GBF1: variants seen among roughly 807,000 people sequenced by gnomAD.
The protein encoded by GBF1 is golgi brefeldin A resistant guanine nucleotide exchange factor 1.
A neutral mutation model predicts 210.5 loss-of-function variants in GBF1; 114 were observed. The observed-to-expected ratio is 0.54, with a 90% CI of 0.47 to 0.63. GBF1 has a LOEUF of 0.63. GBF1 is among the 30% of genes least tolerant of loss of function. GBF1 has a pLI of 0.00. For synonymous variants in GBF1, 850 were observed against 889.2 expected, an observed-to-expected ratio of 0.96 and a Z score of 0.78; for missense variants, 1,851 against 2,357.7, an observed-to-expected ratio of 0.79 and a Z score of 4.45.
intron 3 of GBF1, among the ~76,000 whole-genome samples, chr10:102,289,007 G>A (rs1411628451): frequency 2.0e-5 from 3 of 151,654 alleles, no homozygotes; most frequent in Non-Finnish European, 2.9e-5. Flanking sequence ...GAAGGCTGAG[G>A]CATGAGAATC....
chr10:102,232,539 G>A, the GBF1 span, among the ~76,000 whole-genome samples: 1 of 152,108 alleles, frequency 6.6e-6, no homozygotes, highest in Non-Finnish European at 1.5e-5. Context: ...AAAAATTGCT[G>A]GGCGGGGTGG....
rs141610784 is a variant in GBF1, at chr10:102,376,575, G to A, written c.4063G>A (p.Val1355Ile). The change falls in exon 32 of 40, where the codon GTT (valine) becomes ATT (isoleucine). Residue 1355 changes from valine to isoleucine, a missense_variant. Transcript: ENST00000369983. ...SGWLVVGKDD[V>I]DNSKPGPSRP... The stretch of plus-strand genomic sequence containing the variant: ...TACTTTACAGGTTGGGAAGGATGAC[G>A]TTGATAACTCCAAGCCAGGGCCCAG... The A allele has an allele frequency of 2.5e-5, 40 of 1,613,912 alleles. No homozygotes were observed. Among genetic ancestry groups the A allele is most frequent in the East Asian group, 1.3e-4 (6 of 44,876 alleles).
chr10:102,379,748 T>A, intron 35 of GBF1, 97 bp downstream of exon 35: 1 of 1,491,474 alleles, frequency 6.7e-7, no homozygotes. Flanking sequence ...TCAGCCTGCA[T>A]CATACCTTCC....
intron 4 of GBF1, among the ~76,000 whole-genome samples, chr10:102,349,280 C>G (rs1009453421): frequency 6.6e-6 from 1 of 152,212 alleles, no homozygotes; most frequent in Non-Finnish European, 1.5e-5. Flanking sequence ...AGCCTGTAAT[C>G]CCAGTACTTT....
intron 22 of GBF1, 98 bp from the exon 23 acceptor site, chr10:102,368,641 G>A: frequency 2.2e-6 from 2 of 907,740 alleles, no homozygotes; most frequent in Admixed American, 1.9e-5. Flanking sequence ...TTTCTTCCTG[G>A]GACTGACTGG....
At chr10:102,234,484 CA>C in the GBF1 span, among the ~76,000 whole-genome samples, 1 of 152,024 alleles carries the variant, frequency 6.6e-6, no homozygotes, top group African/African-American at 2.4e-5. Flanking sequence ...CGGGTCAGGT[CA>C]GGGGGTTTGG....
intron 3 of GBF1, among the ~76,000 whole-genome samples, chr10:102,300,832 CTT>C (rs1354797829): frequency 6.6e-6 from 1 of 152,170 alleles, no homozygotes; most frequent in Admixed American, 6.5e-5. Flanking sequence ...GAACATCACT[CTT>C]TTGTGGCTTT....
intron 1 of GBF1, among the ~76,000 whole-genome samples, chr10:102,249,479 G>C (rs2071231731): frequency 6.6e-6 from 1 of 152,164 alleles, no homozygotes; most frequent in African/African-American, 2.4e-5. Flanking sequence ...TATCAGGTCT[G>C]GGAGGATTTT....
In GBF1 at chr10:102,363,391, C is replaced by T. The variant is rs1349080330; in HGVS notation, c.2012C>T (p.Ser671Phe). Residue 671 changes from serine (S) to phenylalanine (F), a missense_variant, in exon 16 of 40, where the codon TCT becomes TTT. Ser to Phe is a radical substitution (Grantham distance 155, BLOSUM62 -2). Around this residue, in one of 3 missense-constraint regions of GBF1, gnomAD observed 804 missense variants for 958.6 expected, o/e 0.84. Transcript: ENST00000369983. The surrounding 1 kb of genome is among the most constrained non-coding windows in gnomAD (Gnocchi z 4.2). ...AGTGATCTGGAGGAAGCTGTTGACT[C>T]TGGGGGTGGGTACTGGGTGTCCATG... is the stretch of plus-strand genomic sequence containing the variant. ...GCSDLEEAVD[S>F]GADKKFARKP... 2 of 1,613,182 alleles carry T rather than the reference C, an allele frequency of 1.2e-6. No homozygotes were observed. Among genetic ancestry groups the T allele is most frequent in the South Asian group, 2.2e-5 (2 of 90,918 alleles).
In GBF1 at chr10:102,360,888, T is replaced by C. The variant is rs566579630; in HGVS notation, c.1393-134T>C. On this transcript the variant is annotated intron_variant, in intron 12 of 39. Transcript: ENST00000369983. The stretch of plus-strand genomic sequence containing the variant: ...TTCTTGGGAGGCTGAGGAAGGAGAA[T>C]ATCTTAAACCCAGGAGGCAGAGGTT... 3 of 647,708 alleles carry C rather than the reference T, an allele frequency of 4.6e-6. No individual in the cohort carries two copies. In the South Asian group the frequency reaches 5.3e-5, roughly 12 times the overall value. 40.1% of individuals were successfully genotyped at this position (647,708 alleles called of 1,614,324 possible).
Position 102,370,814 on chromosome 10 carries a change from T to A in GBF1, c.3614T>A (p.Leu1205Gln). 1.9e-6 allele frequency: 3 copies of A among 1,614,172 alleles called. No homozygotes were observed. The East Asian group carries it at 6.7e-5, about 36-fold the overall frequency. Residue 1205 changes from leucine to glutamine, a missense_variant, in exon 29 of 40, where the codon CTA becomes CAA. By Grantham distance (113) the Leu-to-Gln change is moderately radical. This residue lies in a region of GBF1 where 967 missense variants were observed against 1,247.7 expected (regional missense o/e 0.78). Transcript: ENST00000369983. ...FLVERAVVGL[L>Q]RLAIRLLRRE... ...GTGGAGCGGGCAGTGGTGGGGTTGC[T>A]ACGCCTGGCCATTCGGCTTCTCCGG...
At chr10:102,349,218 T>G (rs1156922596) in intron 4 of GBF1, among the ~76,000 whole-genome samples, 2 of 152,062 alleles carry the variant, frequency 1.3e-5, no homozygotes, top group East Asian at 1.9e-4. Flanking sequence ...GCTCAGGAAC[T>G]CTCTGATTTC....
chr10:102,259,177 C>T (rs919226815), intron 2 of GBF1, 143 bp downstream of exon 2: 4 of 600,974 alleles, frequency 6.7e-6, no homozygotes, highest in Middle Eastern at 2.7e-4. Flanking sequence ...TTTTTTGTAT[C>T]CCAACTAGCA....
At chr10:102,350,101 A>G (rs2058844264) in intron 4 of GBF1, among the ~76,000 whole-genome samples, 1 of 152,220 alleles carries the variant, frequency 6.6e-6, no homozygotes. Flanking sequence ...CTGTAATCCC[A>G]GCACTTTGGG....
At chr10:102,231,458 G>A in the GBF1 span, 1 of 656,022 alleles carries the variant, frequency 1.5e-6, no homozygotes, top group Non-Finnish European at 2.6e-6. Context: ...GTGGGGCTGC[G>A]GCCGGGAGCC....
At chr10:102,313,590 C>G (rs1589600141) in intron 3 of GBF1, among the ~76,000 whole-genome samples, 2 of 152,284 alleles carry the variant, frequency 1.3e-5, no homozygotes, top group South Asian at 4.1e-4. Context: ...TCTTCCTGGT[C>G]TTGTTGAGGA....
chr10:102,327,623 G>C (rs1305159564), intron 3 of GBF1, among the ~76,000 whole-genome samples: 4 of 152,102 alleles, frequency 2.6e-5, no homozygotes, highest in Non-Finnish European at 4.4e-5. Flanking sequence ...GGATTTTTCT[G>C]AATTTGGTTG....
intron 3 of GBF1, among the ~76,000 whole-genome samples, chr10:102,335,270 C>T (rs970150102): frequency 2.0e-5 from 3 of 152,172 alleles, no homozygotes; most frequent in Admixed American, 2.0e-4. Flanking sequence ...GAACATGGAC[C>T]AGTCACCTTC....
intron 3 of GBF1, among the ~76,000 whole-genome samples, chr10:102,343,588 C>T (rs527322204): frequency 1.5e-4 from 23 of 152,172 alleles, no homozygotes; most frequent in Admixed American, 1.3e-3. Flanking sequence ...GAGGGCAAGG[C>T]AGGGACAATT....
Sources: gnomAD v4.1 joint callset for allele counts (sites outside exome capture counted in the v4.1 genomes callset) on GRCh38, gnomAD v4.1.1 for gene constraint, gnomAD v4.1.1 regional missense constraint, Gnocchi (gnomAD v3.1) non-coding constraint, MANE v1.5 for transcripts, NCBI Gene and HGNC (gene_info 2026-07-23, HGNC 2026-07-21) for gene names.